The following POU6F2 variants were observed in gnomAD, a reference collection of about 807,000 sequenced individuals.
The protein encoded by POU6F2 is POU class 6 homeobox 2.
Under a neutral mutation model 71.3 loss-of-function variants are expected in POU6F2, and 31 were observed. The observed-to-expected ratio is 0.43, with a 90% CI of 0.33 to 0.59. The LOEUF (loss-of-function observed/expected upper bound fraction) is 0.59. Among genes scored for constraint, POU6F2 ranks in the 20% least tolerant of loss-of-function variants. POU6F2 has a pLI of 0.04. For missense variants in POU6F2, 783 were observed against 856.8 expected (o/e 0.91, Z 1.07); for synonymous variants, 347 against 355.7 (o/e 0.98, Z 0.27).
At chr7:39,080,415 A>C (rs1238625233) in intron 1 of POU6F2, among the ~76,000 whole-genome samples, 2 of 152,208 alleles carry the variant, frequency 1.3e-5, no homozygotes, top group Non-Finnish European at 2.9e-5. Flanking sequence ...GAAAAACTAA[A>C]CACAAAATAT....
At position 39,401,844 on chromosome 7, in the gene POU6F2, C is replaced by G. The variant is rs533734690; in HGVS notation, c.973-4756C>G. ...TCCAAAATCCATACTCTATAAAATC[C>G]ACATAGCTCATGAGGAGAATGATAG... On this transcript the variant is annotated intron_variant, in intron 5 of 9. Coordinates refer to ENST00000518318, the MANE Select transcript of POU6F2 (RefSeq NM_001370959.1). Among the ~76,000 whole-genome samples the G allele has an allele frequency of 3.3e-3, 501 of 152,232 alleles. 4 individuals are homozygous for G. The highest frequency in any genetic ancestry group is 0.011 in the African/African-American group (455 of 41,538).
chr7:39,104,567 G>A (rs1431425219), intron 2 of POU6F2, among the ~76,000 whole-genome samples: 1 of 152,164 alleles, frequency 6.6e-6, no homozygotes, highest in Non-Finnish European at 1.5e-5. Flanking sequence ...GGGAAGGGAA[G>A]AGGCACTACA....
intron 1 of POU6F2, among the ~76,000 whole-genome samples, chr7:39,073,311 A>G (rs1012513110): frequency 6.6e-6 from 1 of 152,082 alleles, no homozygotes; most frequent in African/African-American, 2.4e-5. Flanking sequence ...TGAATTGGAA[A>G]CAAATCTGCA....
At chr7:39,167,164 G>T (rs774798894) in intron 2 of POU6F2, among the ~76,000 whole-genome samples, 12 of 151,666 alleles carry the variant, frequency 7.9e-5, no homozygotes, top group Non-Finnish European at 1.8e-4. Flanking sequence ...TATCTATAAG[G>T]TATATTATAT....
intron 1 of POU6F2, among the ~76,000 whole-genome samples, chr7:39,033,254 T>C (rs907099815): frequency 2.0e-5 from 3 of 152,348 alleles, no homozygotes; most frequent in African/African-American, 7.2e-5. Flanking sequence ...CGAACTGATA[T>C]AGTTAGGAAC....
At chr7:39,407,791 T>G (rs1384733823) in intron 6 of POU6F2, among the ~76,000 whole-genome samples, 2 of 152,232 alleles carry the variant, frequency 1.3e-5, no homozygotes, top group African/African-American at 4.8e-5. Flanking sequence ...TCTGTCTACA[T>G]TCCAGGGAAA....
chr7:39,040,118 T>G (rs369339048), intron 1 of POU6F2, among the ~76,000 whole-genome samples: 2 of 89,024 alleles, frequency 2.2e-5, no homozygotes, highest in East Asian at 2.5e-4. Flanking sequence ...TTATATACAT[T>G]TATATATATA....
chr7:39,464,079 C>T lies in POU6F2; in HGVS notation c.1659-103C>T. ...GGCTACCTTGCAGCTGGCTATTAAC[C>T]TGCAGTAAATTCGCCCTGCCAGGCA... On this transcript the variant is annotated intron_variant, in intron 9 of 9. Coordinates refer to ENST00000518318, the MANE Select transcript of POU6F2 (RefSeq NM_001370959.1). The surrounding 1 kb of genome is among the most constrained non-coding windows in gnomAD (Gnocchi z 4.1). The T allele has an allele frequency of 7.0e-7, 1 of 1,432,180 alleles. No homozygotes were observed. The highest frequency in any genetic ancestry group is 9.5e-7 in the Non-Finnish European group (1 of 1,049,874). 88.7% of individuals were successfully genotyped at this position (1,432,180 alleles called of 1,614,324 possible).
chr7:39,152,761 C>A (rs953398902), intron 2 of POU6F2, among the ~76,000 whole-genome samples: 2 of 152,144 alleles, frequency 1.3e-5, no homozygotes, highest in Admixed American at 1.3e-4. Context: ...CTATTTGCTG[C>A]AACATTCTGG....
intron 4 of POU6F2, among the ~76,000 whole-genome samples, chr7:39,310,909 A>G (rs1274462078): frequency 1.3e-5 from 2 of 152,102 alleles, no homozygotes; most frequent in Non-Finnish European, 2.9e-5. Context: ...AAGGGAGGGA[A>G]GAGGCATGAA....
At chr7:39,438,595 T>G (rs1246003543) in intron 7 of POU6F2, among the ~76,000 whole-genome samples, 1 of 152,160 alleles carries the variant, frequency 6.6e-6, no homozygotes, top group African/African-American at 2.4e-5. Flanking sequence ...AGAAACACTT[T>G]TGCACTGTTG....
At chr7:39,015,676 T>A (rs374117442) in intron 1 of POU6F2, among the ~76,000 whole-genome samples, 54 of 102,044 alleles carry the variant, frequency 5.3e-4, no homozygotes, top group African/African-American at 8.8e-4. Flanking sequence ...ATATATTATA[T>A]CTATGTTATA....
chr7:39,235,537 A>G (rs1371945711), intron 4 of POU6F2, among the ~76,000 whole-genome samples: 1 of 152,042 alleles, frequency 6.6e-6, no homozygotes, highest in Non-Finnish European at 1.5e-5. Context: ...CTGAGAGTCA[A>G]AGTTTCAGCC....
chr7:39,268,573 G>A lies in POU6F2; in HGVS notation c.598+60953G>A, dbSNP rs538584740. On this transcript the variant is annotated intron_variant, in intron 4 of 9. Transcript: ENST00000518318. ...GAGCTCCTTTGTCACTTTGTATTCC[G>A]TAGAAAAATAGGTAAGGGAAAGAGA... is the stretch of plus-strand genomic sequence containing the variant. Among the ~76,000 whole-genome samples the A allele has an allele frequency of 3.4e-4, 51 of 152,210 alleles. No homozygotes were observed. The South Asian group carries it at 6.4e-3, about 19-fold the overall frequency.
intron 4 of POU6F2, among the ~76,000 whole-genome samples, chr7:39,247,753 C>A (rs1281902137): frequency 1.3e-5 from 2 of 152,118 alleles, no homozygotes; most frequent in African/African-American, 4.8e-5. Flanking sequence ...ACCCTATCCC[C>A]CAGGCTAGGA....
intron 1 of POU6F2, among the ~76,000 whole-genome samples, chr7:38,979,603 A>G (rs541243658): frequency 1.3e-5 from 2 of 152,296 alleles, no homozygotes; most frequent in South Asian, 4.1e-4. Flanking sequence ...TTTCAATGTA[A>G]GTACTCACTG....
At chr7:39,194,872 A>G (rs1055087760) in intron 2 of POU6F2, among the ~76,000 whole-genome samples, 1 of 152,134 alleles carries the variant, frequency 6.6e-6, no homozygotes, top group Non-Finnish European at 1.5e-5. Flanking sequence ...CACCTTTAAG[A>G]GCTTAACACT....
intron 7 of POU6F2, among the ~76,000 whole-genome samples, chr7:39,441,227 G>C (rs531278853): frequency 1.3e-5 from 2 of 148,644 alleles, no homozygotes; most frequent in Admixed American, 6.6e-5. Flanking sequence ...TTAAAGCTTA[G>C]CTTTTTTTTT....
chr7:39,021,149 T>A (rs1789671862), intron 1 of POU6F2, among the ~76,000 whole-genome samples: 1 of 151,924 alleles, frequency 6.6e-6, no homozygotes, highest in Non-Finnish European at 1.5e-5. Flanking sequence ...TGAATAAATA[T>A]TATATATTTA....
Sources: allele counts gnomAD v4.1 joint callset (sites outside exome capture counted in the v4.1 genomes callset), GRCh38; gene constraint gnomAD v4.1.1; non-coding constraint Gnocchi (gnomAD v3.1); transcripts MANE v1.5; gene names NCBI Gene and HGNC (gene_info 2026-07-23, HGNC 2026-07-21).